Variants in CHAF1A observed in about 807,000 individuals in gnomAD.
The protein encoded by CHAF1A is CAF-1 subunit A.
Under a neutral mutation model 93.2 loss-of-function variants are expected in CHAF1A, and 5 were observed. That is an observed-to-expected ratio of 0.05 (90% confidence interval 0.03 to 0.11). The LOEUF is 0.11. Ranked by LOEUF, CHAF1A falls within the 10% of genes least tolerant of loss-of-function variation. The probability of loss-of-function intolerance (pLI) is 1.00; values close to 1 mark genes in which losing one functional copy is unlikely to be tolerated. For missense variants in CHAF1A, 1,102 were observed against 1,259.9 expected (o/e 0.87, Z 1.90); for synonymous variants, 504 against 510.3 (o/e 0.99, Z 0.17).
At chr19:4,413,522 C>G (rs1278490270) in intron 3 of CHAF1A, among the ~76,000 whole-genome samples, 1 of 152,190 alleles carries the variant, frequency 6.6e-6, no homozygotes, top group African/African-American at 2.4e-5. Context: ...TGGTGGGAAG[C>G]TTGCAGATTG....
rs184667886 is a variant in CHAF1A at position 4,430,958 on chromosome 19, G to A, written c.1947+317G>A. The A allele has an allele frequency of 7.1e-4, 240 of 339,932 alleles. 2 individuals are homozygous for A. Among genetic ancestry groups the A allele is most frequent in the Non-Finnish European group, 1.9e-4 (34 of 177,720 alleles). The allele number at this position is 339,932 out of a possible 1,614,324, so 21.1% of individuals were successfully genotyped here. A position where few individuals can be genotyped will look rare whatever the true frequency, so the allele number is the denominator to read the frequency against. ...CTGACATACAGTCAGCATGCAGCAAGACATGTGCATTGTAAGTGTTGAGTT... is the reference window on the plus strand; with the variant it reads ...CTGACATACAGTCAGCATGCAGCAAAACATGTGCATTGTAAGTGTTGAGTT... On this transcript the variant is annotated intron_variant, in intron 11 of 14. Transcript: ENST00000301280.
At chr19:4,440,065 A>G (rs1332070644) in intron 13 of CHAF1A, among the ~76,000 whole-genome samples, 1 of 152,184 alleles carries the variant, frequency 6.6e-6, no homozygotes, top group African/African-American at 2.4e-5. Context: ...CTCTTACATG[A>G]CAGCCCATGA....
downstream of CHAF1A, chr19:4,447,493 G>A (rs1312039996): frequency 2.5e-6 from 4 of 1,597,000 alleles, no homozygotes; most frequent in African/African-American, 4.0e-5. Flanking sequence ...ACCGGCTCCT[G>A]CAGGCCAGCT....
At chr19:4,435,018 G>A (rs1974255992) in intron 13 of CHAF1A, among the ~76,000 whole-genome samples, 1 of 150,796 alleles carries the variant, frequency 6.6e-6, no homozygotes, top group African/African-American at 2.4e-5. Flanking sequence ...CTTTGTTAAC[G>A]TTCATTGCAT....
Position 4,433,879 on chromosome 19 carries a change from C to T in CHAF1A, c.2673+340C>T, listed in dbSNP as rs545619937. ...CCTCCCAAAGTGCTGGGATTACAGG[C>T]GTGAGCCACCTCGCCTGGTGTTTTT... On this transcript the variant is annotated intron_variant, in intron 13 of 14. Transcript: ENST00000301280. This position sits in a 1 kb window ranked among gnomAD's most constrained non-coding sequence, Gnocchi z 5.6. 1.1e-4 allele frequency among the ~76,000 whole-genome samples: 16 copies of T among 152,172 alleles called. 1 individual carries two copies. The South Asian group carries it at 3.1e-3, about 30-fold the overall frequency.
chr19:4,431,340 G>T (rs1335632662), intron 11 of CHAF1A, among the ~76,000 whole-genome samples: 1 of 151,902 alleles, frequency 6.6e-6, no homozygotes, highest in African/African-American at 2.4e-5. Flanking sequence ...TGTTGGCCAG[G>T]CTGGTCTTGA....
the CHAF1A span, chr19:4,450,573 A>G: frequency 6.6e-6 from 1 of 151,990 alleles, no homozygotes. Flanking sequence ...CCTGGCTAAC[A>G]TGGTGAAACC....
intron 13 of CHAF1A, among the ~76,000 whole-genome samples, chr19:4,440,615 G>A (rs561368813): frequency 2.0e-5 from 3 of 151,940 alleles, no homozygotes; most frequent in African/African-American, 7.3e-5. Flanking sequence ...TTCACATCAG[G>A]GACGTGTTCT....
chr19:4,415,901 C>T lies in CHAF1A; in HGVS notation c.961-2119C>T, dbSNP rs555604438. On this transcript the variant is annotated intron_variant, in intron 3 of 14. Coordinates refer to ENST00000301280, the MANE Select transcript of CHAF1A (RefSeq NM_005483.3). ...TAAAGAAATCACTGTTGGCCGGGCG[C>T]GGTGGCTCACGCCTTTAATCCCAGC... Among the ~76,000 whole-genome samples the T allele has an allele frequency of 6.6e-5, 10 of 152,214 alleles. No individual in the cohort carries two copies. The East Asian group carries it at 1.2e-3, about 18-fold the overall frequency.
intron 3 of CHAF1A, among the ~76,000 whole-genome samples, chr19:4,413,274 G>T (rs1056805228): frequency 7.8e-4 from 118 of 152,044 alleles, no homozygotes; most frequent in African/African-American, 2.8e-3. Flanking sequence ...GTTTCACCGT[G>T]TTGGACAGGC....
chr19:4,431,430 G>T (rs1974181158), intron 11 of CHAF1A, among the ~76,000 whole-genome samples: 1 of 152,130 alleles, frequency 6.6e-6, no homozygotes, highest in Non-Finnish European at 1.5e-5. Context: ...AGCCCGGCAG[G>T]AACTTGCTTT....
At chr19:4,423,305 T>C (rs768358519) in intron 5 of CHAF1A, 30 bp from the exon 6 acceptor site, 1 of 1,612,936 alleles carries the variant, frequency 6.2e-7, no homozygotes, top group Admixed American at 1.7e-5. Flanking sequence ...AAGCAAAGAG[T>C]CGGCTGAAAT....
chr19:4,402,835 A>AG, intron 1 of CHAF1A, 21 bp downstream of exon 1: 3 of 1,195,094 alleles, frequency 2.5e-6, no homozygotes, highest in Non-Finnish European at 3.1e-6. Context: ...GCCCGCGCCG[A>AG]GGGGAAGGGG....
chr19:4,445,237 C>T (rs1974480456), downstream of CHAF1A: 1 of 472,076 alleles, frequency 2.1e-6, no homozygotes, highest in East Asian at 4.3e-5. Context: ...GACACAGTTA[C>T]CAAGCAGCTA....
At chr19:4,408,110 G>A (rs1030420410) in intron 2 of CHAF1A, among the ~76,000 whole-genome samples, 9 of 150,402 alleles carry the variant, frequency 6.0e-5, no homozygotes, top group Middle Eastern at 3.5e-3. Flanking sequence ...GGGCTCAAGC[G>A]ATCCTCCTGC....
rs1314179286 is a variant in CHAF1A at position 4,429,622 on chromosome 19, A to G, written c.1773+16A>G. On this transcript the variant is annotated intron_variant, in intron 9 of 14. Coordinates refer to ENST00000301280, the MANE Select transcript of CHAF1A (RefSeq NM_005483.3). ...CCAGGACACGGTGAGCTAGCCCCAG[A>G]GTGCCTCCGTCCCCGTACCTCCTCA... 3.1e-6 allele frequency: 5 copies of G among 1,613,936 alleles called. No individual in the cohort carries two copies. In the African/African-American group the frequency reaches 4.0e-5, roughly 13 times the overall value.
chr19:4,402,696 G>T lies in CHAF1A; in HGVS notation c.-67G>T. Reference sequence around the variant, plus strand: ...AGCGGCGCGGGCGGGAGGGCGAAGAGCAGCGGCCGCCTGAGGGGAGCCCGC... The same window carrying T: ...AGCGGCGCGGGCGGGAGGGCGAAGATCAGCGGCCGCCTGAGGGGAGCCCGC... On this transcript the variant is annotated 5_prime_UTR_variant, in exon 1 of 15. Transcript: ENST00000301280. 9.5e-7 allele frequency: 1 copy of T among 1,049,202 alleles called. No homozygotes were observed. Among genetic ancestry groups the T allele is most frequent in the Non-Finnish European group, 1.2e-6 (1 of 832,324 alleles). 65.0% of individuals were successfully genotyped at this position (1,049,202 alleles called of 1,614,324 possible).
downstream of CHAF1A, chr19:4,446,039 C>T (rs763844334): frequency 2.4e-5 from 38 of 1,604,744 alleles, no homozygotes; most frequent in Non-Finnish European, 3.0e-5. Context: ...TCCTGCGGGC[C>T]GACACTCACC....
intron 11 of CHAF1A, chr19:4,431,119 T>C (rs1974174874): frequency 6.5e-6 from 1 of 154,502 alleles, no homozygotes; most frequent in African/African-American, 2.4e-5. Context: ...CATAAGGTTG[T>C]GGAACTGTCT....
Sources: allele counts gnomAD v4.1 joint callset (sites outside exome capture counted in the v4.1 genomes callset), GRCh38; gene constraint gnomAD v4.1.1; non-coding constraint Gnocchi (gnomAD v3.1); transcripts MANE v1.5; gene names NCBI Gene and HGNC (gene_info 2026-07-23, HGNC 2026-07-21).